The following HEMK2 variants were observed in gnomAD, a reference collection of about 807,000 sequenced individuals.
HEMK2 encodes methyltransferase HEMK2.
chr21:28,632,002 G>A, the HEMK2 span, among the ~76,000 whole-genome samples: 7 of 152,210 alleles, frequency 4.6e-5, no homozygotes, highest in Admixed American at 2.0e-4. Flanking sequence ...CAAGTGGAGT[G>A]TGCAGAAATG....
chr21:28,783,920 C>A, the HEMK2 span, among the ~76,000 whole-genome samples: 3 of 152,220 alleles, frequency 2.0e-5, no homozygotes, highest in Non-Finnish European at 2.9e-5. Context: ...GCAGAGGGTG[C>A]GCCAGGTCCC....
chr21:28,596,483 A>C, the HEMK2 span, among the ~76,000 whole-genome samples: 1 of 152,336 alleles, frequency 6.6e-6, no homozygotes, highest in South Asian at 2.1e-4. Context: ...CTCTCCCTGA[A>C]TCTGACTATG....
the HEMK2 span, among the ~76,000 whole-genome samples, chr21:28,758,556 T>C: frequency 6.6e-6 from 1 of 152,090 alleles, no homozygotes; most frequent in Non-Finnish European, 1.5e-5. Flanking sequence ...GAGAGAACTA[T>C]GAAGTTGGAG....
At chr21:28,661,178 CT>C in the HEMK2 span, among the ~76,000 whole-genome samples, 1 of 151,988 alleles carries the variant, frequency 6.6e-6, no homozygotes, top group Non-Finnish European at 1.5e-5. Flanking sequence ...TTTGTATTTT[CT>C]TCTATCTTTG....
chr21:28,684,463 T>C, the HEMK2 span, among the ~76,000 whole-genome samples: 1 of 152,224 alleles, frequency 6.6e-6, no homozygotes, highest in Admixed American at 6.5e-5. Context: ...ATTTCGAGTC[T>C]GTCATTACGG....
the HEMK2 span, among the ~76,000 whole-genome samples, chr21:28,578,734 T>C: frequency 3.9e-5 from 6 of 152,182 alleles, no homozygotes; most frequent in African/African-American, 1.4e-4. Flanking sequence ...ATAGGGGACC[T>C]TATCCATGGG....
At chr21:28,879,894 G>A in the HEMK2 span, 1 of 1,598,676 alleles carries the variant, frequency 6.3e-7, no homozygotes, top group Non-Finnish European at 8.5e-7. Flanking sequence ...TCACTACATA[G>A]GGGGGATTAA....
At chr21:28,784,682 A>G in the HEMK2 span, among the ~76,000 whole-genome samples, 10,157 of 151,858 alleles carry the variant, frequency 0.067, 383 homozygotes, top group Middle Eastern at 0.12. Context: ...GTGGGGACTT[A>G]GAGAACTTTT....
chr21:28,677,369 G>A, the HEMK2 span, among the ~76,000 whole-genome samples: 406 of 152,322 alleles, frequency 2.7e-3, 1 homozygote, highest in African/African-American at 9.1e-3. Context: ...CACCATTGCC[G>A]AGGCTTGAGT....
chr21:28,744,137 T>TA, the HEMK2 span, among the ~76,000 whole-genome samples: 9 of 152,198 alleles, frequency 5.9e-5, 2 homozygotes, highest in African/African-American at 2.2e-4. Flanking sequence ...AACTATCTGA[T>TA]ACTATGCTTA....
At chr21:28,619,515 C>T in the HEMK2 span, among the ~76,000 whole-genome samples, 1 of 152,170 alleles carries the variant, frequency 6.6e-6, no homozygotes, top group Non-Finnish European at 1.5e-5. Context: ...ATTCATTTTA[C>T]CACCCATTGG....
chr21:28,632,721 C>T, the HEMK2 span, among the ~76,000 whole-genome samples: 3 of 152,292 alleles, frequency 2.0e-5, no homozygotes, highest in East Asian at 5.8e-4. Flanking sequence ...AAAACTTTAT[C>T]AGGATGGCTG....
chr21:28,819,781 C>T, the HEMK2 span, among the ~76,000 whole-genome samples: 49 of 151,922 alleles, frequency 3.2e-4, no homozygotes, highest in African/African-American at 9.9e-4. Context: ...ATCTTTTGAC[C>T]CCATGATCCA....
chr21:28,836,823 G>C, the HEMK2 span, among the ~76,000 whole-genome samples: 1 of 151,024 alleles, frequency 6.6e-6, no homozygotes, highest in Non-Finnish European at 1.5e-5. Flanking sequence ...AAAAAAAAAG[G>C]CATTTCATGC....
At chr21:28,763,574 C>T in the HEMK2 span, among the ~76,000 whole-genome samples, 1 of 152,076 alleles carries the variant, frequency 6.6e-6, no homozygotes, top group Admixed American at 6.6e-5. Context: ...AGGGGACGGA[C>T]ATCCCAACTA....
chr21:28,860,989 G>A, the HEMK2 span, among the ~76,000 whole-genome samples: 7 of 152,206 alleles, frequency 4.6e-5, no homozygotes, highest in Admixed American at 4.6e-4. Flanking sequence ...GGATCCAAAG[G>A]CTTAGGGAAA....
At chr21:28,627,209 A>G in the HEMK2 span, among the ~76,000 whole-genome samples, 866 of 152,320 alleles carry the variant, frequency 5.7e-3, 30 homozygotes, top group Admixed American at 0.052. Flanking sequence ...AAGGATAGAG[A>G]TCAGAGCAGT....
At chr21:28,831,598 G>GAAA in the HEMK2 span, among the ~76,000 whole-genome samples, 4 of 64,848 alleles carry the variant, frequency 6.2e-5, no homozygotes, top group Admixed American at 1.8e-4. Flanking sequence ...AAGGAAAGAA[G>GAAA]GAAAGAAGGA....
chr21:28,776,515 C>T, the HEMK2 span, among the ~76,000 whole-genome samples: 1 of 152,112 alleles, frequency 6.6e-6, no homozygotes, highest in Non-Finnish European at 1.5e-5. Context: ...TCTAGAGGAA[C>T]AGGACTAATA....
Sources: gnomAD v4.1 joint callset for allele counts (sites outside exome capture counted in the v4.1 genomes callset) on GRCh38, gnomAD v4.1.1 for gene constraint, MANE v1.5 for transcripts, NCBI Gene and HGNC (gene_info 2026-07-23, HGNC 2026-07-21) for gene names.